PTPN5: variants seen among roughly 807,000 people sequenced by gnomAD.
PTPN5 encodes protein tyrosine phosphatase non-receptor type 5.
PTPN5 carries 29 observed loss-of-function variants against 73.9 expected under a neutral mutation model. The ratio of observed to expected loss-of-function variants is 0.39; its 90% confidence interval spans 0.29 to 0.54. The LOEUF (loss-of-function observed/expected upper bound fraction) is 0.54. Ranked by LOEUF, PTPN5 falls within the 20% of genes least tolerant of loss-of-function variation. The probability of loss-of-function intolerance (pLI) is 0.65; values close to 1 mark genes in which losing one functional copy is unlikely to be tolerated. For missense variants in PTPN5, 652 were observed against 751.4 expected (o/e 0.87, Z 1.55); for synonymous variants, 267 against 304.7 (o/e 0.88, Z 1.29).
At chr11:18,741,850 G>A (rs1315867573) in intron 7 of PTPN5, among the ~76,000 whole-genome samples, 1 of 152,142 alleles carries the variant, frequency 6.6e-6, no homozygotes, top group Non-Finnish European at 1.5e-5. Flanking sequence ...CACTGCACAT[G>A]CACCCCCTCA....
chr11:18,778,934 T>C (rs1851293915), intron 1 of PTPN5, among the ~76,000 whole-genome samples: 1 of 152,200 alleles, frequency 6.6e-6, no homozygotes, highest in African/African-American at 2.4e-5. Context: ...TAGACTTCCC[T>C]CATGCTGCCC....
At chr11:18,757,576 G>A (rs760869397) in intron 3 of PTPN5, among the ~76,000 whole-genome samples, 5 of 151,986 alleles carry the variant, frequency 3.3e-5, no homozygotes, top group Non-Finnish European at 5.9e-5. Context: ...CTTCATGAGA[G>A]TACACTGTGC....
At chr11:18,790,548 T>G (rs902157372) in intron 1 of PTPN5, among the ~76,000 whole-genome samples, 1 of 152,192 alleles carries the variant, frequency 6.6e-6, no homozygotes, top group African/African-American at 2.4e-5. Flanking sequence ...TTGAGTGTTA[T>G]GAGAGCTCTC....
At chr11:18,743,911 C>T in intron 4 of PTPN5, 95 bp downstream of exon 4, 2 of 1,424,658 alleles carry the variant, frequency 1.4e-6, no homozygotes, top group Non-Finnish European at 1.9e-6. Flanking sequence ...CCCTTATCCT[C>T]CTGCCTTCCA....
rs2134222878 is a variant in PTPN5, at chr11:18,742,470, G to A, written c.517C>T (p.Pro173Ser). 6.2e-7 allele frequency: 1 copy of A among 1,614,002 alleles called. No homozygotes were observed. The highest frequency in any genetic ancestry group is 8.5e-7 in the Non-Finnish European group (1 of 1,180,012). ...CTGTCCTCAGGGGGCAGTGGGGTGG[G>A]TGGCTCTGGGGGTGTCCTCAGGAGG... ...WHLLRTPPEP[P>S]TPLPPEDRRQ... The change falls in exon 7 of 15, where the codon CCC becomes TCC. Residue 173 changes from proline (P) to serine (S), a missense_variant. By Grantham distance (74) the Pro-to-Ser change is moderately conservative. Around this residue, in one of 3 missense-constraint regions of PTPN5, gnomAD observed 529 missense variants for 573.9 expected, o/e 0.92. Coordinates refer to ENST00000358540, the MANE Select transcript of PTPN5 (RefSeq NM_006906.2). The surrounding 1 kb of genome is among the most constrained non-coding windows in gnomAD (Gnocchi z 4.1).
intron 9 of PTPN5, among the ~76,000 whole-genome samples, chr11:18,736,173 T>G (rs1481677915): frequency 1.3e-5 from 2 of 152,088 alleles, no homozygotes; most frequent in African/African-American, 2.4e-5. Flanking sequence ...TGGTGGCTCA[T>G]GCCTATAATC....
At chr11:18,750,618 T>C (rs1388764612) in intron 3 of PTPN5, among the ~76,000 whole-genome samples, 1 of 152,198 alleles carries the variant, frequency 6.6e-6, no homozygotes, top group African/African-American at 2.4e-5. Flanking sequence ...ATGGGTGATC[T>C]TGGGCAATTT....
At chr11:18,790,657 G>A (rs1034391930) in intron 1 of PTPN5, among the ~76,000 whole-genome samples, 16 of 152,168 alleles carry the variant, frequency 1.1e-4, no homozygotes, top group African/African-American at 3.9e-4. Flanking sequence ...CCCTCCAAGT[G>A]GGGCAGGGCT....
At chr11:18,741,648 T>C (rs1168074808) in intron 7 of PTPN5, among the ~76,000 whole-genome samples, 4 of 151,876 alleles carry the variant, frequency 2.6e-5, no homozygotes, top group Non-Finnish European at 5.9e-5. Context: ...AGCTACCCTA[T>C]AAAAACAGGT....
In PTPN5 at chr11:18,729,420, C is replaced by G. The variant is rs1590469187; in HGVS notation, c.1604+33G>C. 9.4e-7 allele frequency: 1 copy of G among 1,062,292 alleles called. No homozygotes were observed. Among genetic ancestry groups the G allele is most frequent in the East Asian group, 2.4e-5 (1 of 42,428 alleles). The allele number at this position is 1,062,292 out of a possible 1,614,324, so 65.8% of individuals were successfully genotyped here. ...TCTACCCGCTCGGGGCTCTAGCTCC[C>G]TTGTGTGTCCCCACTCCCGCCCGTG... On this transcript the variant is annotated intron_variant, in intron 14 of 14. Coordinates refer to ENST00000358540, the MANE Select transcript of PTPN5 (RefSeq NM_006906.2). This position sits in a 1 kb window ranked among gnomAD's most constrained non-coding sequence, Gnocchi z 5.2.
chr11:18,744,441 G>A lies in PTPN5; in HGVS notation c.98-242C>T, dbSNP rs1285338926. On this transcript the variant is annotated intron_variant, in intron 3 of 14. Coordinates refer to ENST00000358540, the MANE Select transcript of PTPN5 (RefSeq NM_006906.2). ...CAGTAACAGAGTTAAAATGGCAGGA[G>A]GTTTTCCAGGGAGTTAATATAGTTG... The A allele has an allele frequency of 1.3e-5, 5 of 381,386 alleles. No individual in the cohort carries two copies. In the East Asian group the frequency reaches 1.6e-4, roughly 12 times the overall value. The allele number at this position is 381,386 out of a possible 1,614,324, so 23.6% of individuals were successfully genotyped here.
intron 2 of PTPN5, among the ~76,000 whole-genome samples, chr11:18,769,994 G>C (rs765298891): frequency 3.3e-5 from 5 of 152,188 alleles, no homozygotes; most frequent in Non-Finnish European, 5.9e-5. Flanking sequence ...TGCACTGAGA[G>C]TGATGCTGGC....
At chr11:18,780,364 C>T (rs921260961) in intron 1 of PTPN5, among the ~76,000 whole-genome samples, 1 of 152,210 alleles carries the variant, frequency 6.6e-6, no homozygotes, top group African/African-American at 2.4e-5. Flanking sequence ...CCGCCTGCCC[C>T]AGCCATGCTC....
Position 18,736,381 on chromosome 11 carries a change from C to T in PTPN5, c.1000+1499G>A, listed in dbSNP as rs555542821. The stretch of plus-strand genomic sequence containing the variant: ...AGAAGGGGACAGAAATTGCTCCCAG[C>T]ATCTTGTTCTCAATGCTGCCTGTGG... On this transcript the variant is annotated intron_variant, in intron 9 of 14. Transcript: ENST00000358540. Among the ~76,000 whole-genome samples, 36 of 152,358 alleles carry T rather than the reference C, an allele frequency of 2.4e-4. 1 individual carries two copies. The South Asian group carries it at 7.2e-3, about 31-fold the overall frequency.
At chr11:18,749,488 T>TGGGGGGGGGGGGGGG in intron 3 of PTPN5, 1 of 373,918 alleles carries the variant, frequency 2.7e-6, no homozygotes, top group Non-Finnish European at 5.3e-6. Flanking sequence ...CGGGGGAGGG[T>TGGGGGGGGGGGGGGG]GGGGGGCAGA....
Position 18,765,842 on chromosome 11 carries a change from C to T in PTPN5, c.62G>A (p.Gly21Glu). Residue 21 changes from glycine (G) to glutamate (E), a missense_variant, in exon 3 of 15, where the codon GGG becomes GAG. Physicochemically the swap from Gly to Glu is moderately conservative, Grantham distance 98. Transcript: ENST00000358540. The part of the protein sequence containing the change: ...ENHAADDSEG[G>E]ALDMCCSERL... ...CTCACTGCAGCACATGTCCAGGGCC[C>T]CTCCCTCGGAGTCATCAGCAGCGTG... 4.4e-6 allele frequency: 7 copies of T among 1,582,486 alleles called. No individual in the cohort carries two copies. The highest frequency in any genetic ancestry group is 6.0e-6 in the Non-Finnish European group (7 of 1,163,706).
chr11:18,765,598 G>A (rs550295981), intron 3 of PTPN5, among the ~76,000 whole-genome samples: 1 of 152,190 alleles, frequency 6.6e-6, no homozygotes, highest in African/African-American at 2.4e-5. Context: ...CTCCATGTGA[G>A]CCTAGAGCAG....
chr11:18,739,855 G>A (rs915407220), intron 8 of PTPN5, among the ~76,000 whole-genome samples: 2 of 152,216 alleles, frequency 1.3e-5, no homozygotes, highest in Non-Finnish European at 2.9e-5. Context: ...CTCCTGCCAG[G>A]AAAGAATTAT....
At chr11:18,786,424 G>C (rs978512699) in intron 1 of PTPN5, among the ~76,000 whole-genome samples, 1 of 152,034 alleles carries the variant, frequency 6.6e-6, no homozygotes, top group Non-Finnish European at 1.5e-5. Context: ...GGATAGTCTC[G>C]ATCTCCTGAC....
Sources: allele counts gnomAD v4.1 joint callset (sites outside exome capture counted in the v4.1 genomes callset), GRCh38; gene constraint gnomAD v4.1.1; regional missense constraint gnomAD v4.1.1; non-coding constraint Gnocchi (gnomAD v3.1); transcripts MANE v1.5; gene names NCBI Gene and HGNC (gene_info 2026-07-23, HGNC 2026-07-21).